PI16: variants seen among roughly 807,000 people sequenced by gnomAD.
PI16 encodes the protein peptidase inhibitor 16, also known as PSP94-binding protein.
Under a neutral mutation model 38.0 loss-of-function variants are expected in PI16, and 35 were observed. The ratio of observed to expected loss-of-function variants is 0.92; its 90% CI spans 0.70 to 1.22. PI16 has a LOEUF of 1.22. Among genes scored for constraint, PI16 ranks in the 50% most tolerant of loss-of-function variants. The pLI, the probability that PI16 is intolerant of heterozygous loss-of-function variation, is 0.00. For synonymous variants in PI16, 275 were observed against 252.9 expected, an observed-to-expected ratio of 1.09 and a Z score of -0.83; for missense variants, 572 against 593.8, an observed-to-expected ratio of 0.96 and a Z score of 0.38.
Position 36,964,795 on chromosome 6 carries a change from T to C in PI16, c.*428T>C, listed in dbSNP as rs1046279. The C allele has an allele frequency of 0.39, 59,502 of 151,946 alleles. 12,391 individuals carry two copies. Among genetic ancestry groups the C allele is most frequent in the Admixed American group, 0.5 (7,700 of 15,276 alleles). 9.4% of individuals were successfully genotyped at this position (151,946 alleles called of 1,614,324 possible). A position where few individuals can be genotyped will look rare whatever the true frequency, so the allele number is the denominator to read the frequency against. ...GGAGGCAGGGACGAGGGAAGGAAAG[T>C]AACTCCTGACTCTCCAATAAAAACC... is the stretch of plus-strand genomic sequence containing the variant. On this transcript the variant is annotated 3_prime_UTR_variant, in exon 7 of 7. Coordinates refer to ENST00000373674, the MANE Select transcript of PI16 (RefSeq NM_153370.3).
At position 36,963,926 on chromosome 6, in the gene PI16, G is replaced by A. The variant is rs200331071; in HGVS notation, c.1374G>A (p.Val458=). 5 of 1,613,552 alleles carry A rather than the reference G, an allele frequency of 3.1e-6. No homozygotes were observed. Among genetic ancestry groups the A allele is most frequent in the Non-Finnish European group, 4.2e-6 (5 of 1,179,830 alleles). ...GACTACTGCTCCTGCCTCCTCTGGT[G>A]TTGGCTGGAATCTTCTGAAGGGGAT... ...LLGLLLLPPL[V]LAGIF Residue 458 remains valine (V), a synonymous_variant, in exon 6 of 7, where the codon GTG becomes GTA. Transcript: ENST00000373674.
At position 36,961,686 on chromosome 6, in the gene PI16, A is replaced by G; in HGVS notation, c.503+126A>G. ...GGGTCAGTCTGGAGCAATACTGTCCAGGGAGCTGTGAAGGCACCAATGGGG... is the reference window on the plus strand; with the variant it reads ...GGGTCAGTCTGGAGCAATACTGTCCGGGGAGCTGTGAAGGCACCAATGGGG... On this transcript the variant is annotated intron_variant, in intron 3 of 6. Transcript: ENST00000373674. 3 of 966,238 alleles carry G rather than the reference A, an allele frequency of 3.1e-6. No individual in the cohort carries two copies. The East Asian group carries it at 7.5e-5, about 24-fold the overall frequency. The allele number at this position is 966,238 out of a possible 1,614,324, so 59.9% of individuals were successfully genotyped here. A position where few individuals can be genotyped will look rare whatever the true frequency, so the allele number is the denominator to read the frequency against.
rs929837339 is a variant in PI16, at chr6:36,962,214, G to A, written c.592+240G>A. Among the ~76,000 whole-genome samples the A allele has an allele frequency of 6.6e-6, 1 of 152,176 alleles. No individual in the cohort carries two copies. The highest frequency in any genetic ancestry group is 6.5e-5 in the Admixed American group (1 of 15,278). Reference sequence around the variant, plus strand: ...AAGGGAGGATGTTAGAAAGTCTGGCGGCTTCGGGGGGGCCCGCGCGAGGTG... The same window carrying A: ...AAGGGAGGATGTTAGAAAGTCTGGCAGCTTCGGGGGGGCCCGCGCGAGGTG... On this transcript the variant is annotated intron_variant, in intron 4 of 6. Transcript: ENST00000373674. The surrounding 1 kb of genome is among the most constrained non-coding windows in gnomAD (Gnocchi z 4.1).
intron 1 of PI16, among the ~76,000 whole-genome samples, chr6:36,958,179 G>T (rs1763254992): frequency 1.3e-5 from 2 of 152,230 alleles, no homozygotes; most frequent in South Asian, 4.1e-4. Flanking sequence ...CGCTTTATGG[G>T]CTGTCTGGCT....
At chr6:36,955,745 A>C (rs72848004) in intron 1 of PI16, among the ~76,000 whole-genome samples, 16,180 of 152,294 alleles carry the variant, frequency 0.11, 1,095 homozygotes, top group Middle Eastern at 0.21. Context: ...AGTAAACATT[A>C]CATGTACATG....
chr6:36,952,571 T>C (rs960090599), upstream of PI16, among the ~76,000 whole-genome samples: 3 of 152,266 alleles, frequency 2.0e-5, no homozygotes, highest in Admixed American at 6.5e-5. Context: ...CTTTCCCTCG[T>C]TGAACGGTCT....
chr6:36,962,222 G>A lies in PI16; in HGVS notation c.592+248G>A, dbSNP rs564220217. ...ATGTTAGAAAGTCTGGCGGCTTCGG[G>A]GGGGCCCGCGCGAGGTGGGTGTCGC... On this transcript the variant is annotated intron_variant, in intron 4 of 6. Coordinates refer to ENST00000373674, the MANE Select transcript of PI16 (RefSeq NM_153370.3). This position sits in a 1 kb window ranked among gnomAD's most constrained non-coding sequence, Gnocchi z 4.1. Among the ~76,000 whole-genome samples the A allele has an allele frequency of 6.6e-6, 1 of 152,180 alleles. No homozygotes were observed. The highest frequency in any genetic ancestry group is 1.9e-4 in the East Asian group (1 of 5,170).
Position 36,961,943 on chromosome 6 carries a change from C to T in PI16, c.561C>T (p.Pro187=). 1 of 1,614,168 alleles carries T rather than the reference C, an allele frequency of 6.2e-7. No individual in the cohort carries two copies. Among genetic ancestry groups the T allele is most frequent in the Non-Finnish European group, 8.5e-7 (1 of 1,179,994 alleles). ...AGGGGACTCCGTGCTCCCAATGTCC[C>T]TCTGGCTACCACTGCAAGAACTCCC... is the stretch of plus-strand genomic sequence containing the variant. ...YQEGTPCSQC[P]SGYHCKNSLC... The change falls in exon 4 of 7, where the codon CCC becomes CCT. Residue 187 remains proline, a synonymous_variant. Coordinates refer to ENST00000373674, the MANE Select transcript of PI16 (RefSeq NM_153370.3).
At chr6:36,960,364 T>TGTGTGTGTGTGTG (rs1554141487) in intron 2 of PI16, among the ~76,000 whole-genome samples, 5 of 139,238 alleles carry the variant, frequency 3.6e-5, no homozygotes, top group South Asian at 2.3e-4. Context: ...TGTGTGTGTG[T>TGTGTGTGTGTGTG]AGGGGAATTA....
chr6:36,963,937 T>A lies in PI16; in HGVS notation c.1385T>A (p.Ile462Asn). 1 of 1,612,738 alleles carries A rather than the reference T, an allele frequency of 6.2e-7. No individual in the cohort carries two copies. The highest frequency in any genetic ancestry group is 1.1e-5 in the South Asian group (1 of 90,910). The change falls in exon 6 of 7, where the codon ATC (isoleucine) becomes AAC (asparagine). Residue 462 changes from isoleucine to asparagine, a missense_variant. Coordinates refer to ENST00000373674, the MANE Select transcript of PI16 (RefSeq NM_153370.3). The stretch of plus-strand genomic sequence containing the variant: ...CTGCCTCCTCTGGTGTTGGCTGGAA[T>A]CTTCTGAAGGGGATACCACTCAAAG... ...LLLPPLVLAG[I>N]F
intron 1 of PI16, among the ~76,000 whole-genome samples, chr6:36,956,626 T>C (rs997533126): frequency 1.3e-5 from 2 of 152,238 alleles, no homozygotes; most frequent in Non-Finnish European, 2.9e-5. Context: ...AAATCTTAGC[T>C]TTGTTACTTA....
At position 36,962,109 on chromosome 6, in the gene PI16, C is replaced by G; in HGVS notation, c.592+135C>G. The G allele has an allele frequency of 1.6e-6, 1 of 643,628 alleles. No homozygotes were observed. The highest frequency in any genetic ancestry group is 2.7e-5 in the East Asian group (1 of 36,480). 39.9% of individuals were successfully genotyped at this position (643,628 alleles called of 1,614,324 possible). A position where few individuals can be genotyped will look rare whatever the true frequency, so the allele number is the denominator to read the frequency against. ...CCTGGTGGGATGCGACCACCGGGGG[C>G]CCCTGGCGGCTCCCTTAGCCCCCCA... On this transcript the variant is annotated intron_variant, in intron 4 of 6. Transcript: ENST00000373674. The surrounding 1 kb of genome is among the most constrained non-coding windows in gnomAD (Gnocchi z 4.1).
At chr6:36,958,478 A>G (rs1763261673) in intron 1 of PI16, among the ~76,000 whole-genome samples, 1 of 152,212 alleles carries the variant, frequency 6.6e-6, no homozygotes, top group Non-Finnish European at 1.5e-5. Context: ...CAAGGCTCTG[A>G]AAGTAGGCCC....
At chr6:36,958,081 C>T (rs1763251986) in intron 1 of PI16, among the ~76,000 whole-genome samples, 1 of 152,248 alleles carries the variant, frequency 6.6e-6, no homozygotes, top group Non-Finnish European at 1.5e-5. Context: ...CATCCCCATG[C>T]CAGGCAGCGG....
At position 36,959,261 on chromosome 6, in the gene PI16, C is replaced by T. The variant is rs962642290; in HGVS notation, c.288C>T (p.Gly96=). The change falls in exon 2 of 7, where the codon GGC becomes GGT. Residue 96 remains glycine (G), a synonymous_variant. Coordinates refer to ENST00000373674, the MANE Select transcript of PI16 (RefSeq NM_153370.3). ...ATCTGTTCGCCATCACAGACGAGGGCATGGACGTGCCGCTGGCCATGGAGG... is the reference window on the plus strand; with the variant it reads ...ATCTGTTCGCCATCACAGACGAGGGTATGGACGTGCCGCTGGCCATGGAGG... ...GENLFAITDE[G]MDVPLAMEEW... is the part of the protein sequence containing the mutation. 1.2e-6 allele frequency: 2 copies of T among 1,604,606 alleles called. No homozygotes were observed. Among genetic ancestry groups the T allele is most frequent in the Non-Finnish European group, 1.7e-6 (2 of 1,176,226 alleles).
Position 36,962,932 on chromosome 6 carries a change from C to T in PI16, c.593-3C>T, listed in dbSNP as rs772175422. On this transcript the variant is annotated splice_polypyrimidine_tract_variant and splice_region_variant and intron_variant, in intron 4 of 6. Transcript: ENST00000373674. This position sits in a 1 kb window ranked among gnomAD's most constrained non-coding sequence, Gnocchi z 4.1. The stretch of plus-strand genomic sequence containing the variant: ...TCATGCCCGTTCTCGTCTGTCTTAT[C>T]AGAACCCATCGGAAGCCCGGAAGAT... 12 of 1,609,678 alleles carry T rather than the reference C, an allele frequency of 7.5e-6. No individual in the cohort carries two copies. The highest frequency in any genetic ancestry group is 5.3e-5 in the African/African-American group (4 of 74,824).
At chr6:36,948,710 T>G in intron 1 of PI16, among the ~76,000 whole-genome samples, 1 of 82,086 alleles carries the variant, frequency 1.2e-5, no homozygotes, top group East Asian at 4.1e-4. Context: ...CTGTCTCCCT[T>G]TCTCTCTCGC....
chr6:36,961,409 C>A (rs1324337918), intron 2 of PI16, 42 bp from the exon 3 acceptor site: 1 of 1,545,848 alleles, frequency 6.5e-7, no homozygotes, highest in Non-Finnish European at 8.9e-7. Context: ...GGCACCATGC[C>A]ACCTCGCATG....
chr6:36,958,699 G>A (rs1219092153), intron 1 of PI16, among the ~76,000 whole-genome samples: 1 of 152,068 alleles, frequency 6.6e-6, no homozygotes, highest in Non-Finnish European at 1.5e-5. Context: ...CAGGTTCATG[G>A]TTGAGGGGTA....
Sources: gnomAD v4.1 joint callset for allele counts (sites outside exome capture counted in the v4.1 genomes callset) on GRCh38, gnomAD v4.1.1 for gene constraint, Gnocchi (gnomAD v3.1) non-coding constraint, MANE v1.5 for transcripts, NCBI Gene and HGNC (gene_info 2026-07-23, HGNC 2026-07-21) for gene names.